Variants in NRXN3 observed in about 807,000 individuals in gnomAD.
NRXN3 encodes the protein neurexin 3.
A neutral mutation model predicts 137.6 loss-of-function variants in NRXN3; 32 were observed. The ratio of observed to expected loss-of-function variants is 0.23; its 90% CI spans 0.18 to 0.31. The LOEUF (loss-of-function observed/expected upper bound fraction) is 0.31, where lower values mean the gene tolerates loss of function less well. Among genes scored for constraint, NRXN3 ranks in the 10% least tolerant of loss-of-function variants. The pLI is 1.00. For synonymous variants in NRXN3, 798 were observed against 784.5 expected, an observed-to-expected ratio of 1.02 and a Z score of -0.29; for missense variants, 1,574 against 2,062.5, an observed-to-expected ratio of 0.76 and a Z score of 4.59.
At chr14:78,659,386 T>A (rs2097815193) in intron 6 of NRXN3, among the ~76,000 whole-genome samples, 1 of 152,140 alleles carries the variant, frequency 6.6e-6, no homozygotes, top group Non-Finnish European at 1.5e-5. Flanking sequence ...AAAAAAAAGA[T>A]GGCCATTTTT....
chr14:78,206,951 C>T (rs1212011948), intron 1 of NRXN3, among the ~76,000 whole-genome samples: 3 of 152,006 alleles, frequency 2.0e-5, no homozygotes, highest in African/African-American at 7.2e-5. Context: ...GCAACTTCTG[C>T]CTCCCGGGTT....
At chr14:78,678,034 A>G (rs2098027900) in intron 6 of NRXN3, among the ~76,000 whole-genome samples, 1 of 152,212 alleles carries the variant, frequency 6.6e-6, no homozygotes, top group African/African-American at 2.4e-5. Flanking sequence ...TGTATGCACC[A>G]GGAAATGAAA....
chr14:78,176,413 A>G (rs1355206797), intron 1 of NRXN3, among the ~76,000 whole-genome samples: 1 of 139,836 alleles, frequency 7.2e-6, no homozygotes, highest in East Asian at 2.1e-4. Context: ...TCGGTATCTC[A>G]TTTAATTCTC....
rs111297664 is a variant in NRXN3, at chr14:79,155,189, A to ATATAAAGC, written c.3262+167052_3262+167059dup. On this transcript the variant is annotated intron_variant, in intron 15 of 20. Coordinates refer to ENST00000335750, the MANE Select transcript of NRXN3 (RefSeq NM_001330195.2). The stretch of plus-strand genomic sequence containing the variant: ...ATCCTCCTGAAGCTGGAGAAGAGAA[A>ATATAAAGC]TATAAAGCTATGTGTTTCAGAATGA... Among the ~76,000 whole-genome samples, 258 of 152,094 alleles carry ATATAAAGC rather than the reference A, an allele frequency of 1.7e-3. 1 individual carries two copies. The highest frequency in any genetic ancestry group is 5.6e-3 in the African/African-American group (233 of 41,534).
intron 4 of NRXN3, among the ~76,000 whole-genome samples, chr14:78,566,573 G>T (rs2096838207): frequency 6.6e-6 from 1 of 152,162 alleles, no homozygotes; most frequent in African/African-American, 2.4e-5. Context: ...GGGGAGCCCT[G>T]GCCACAGAGC....
intron 4 of NRXN3, among the ~76,000 whole-genome samples, chr14:78,391,275 G>A (rs1311745709): frequency 1.3e-5 from 2 of 152,136 alleles, no homozygotes; most frequent in East Asian, 3.8e-4. Context: ...TTTGATGGGA[G>A]GAGTAGGAGG....
chr14:79,675,271 G>C (rs1377224127), intron 17 of NRXN3, among the ~76,000 whole-genome samples: 1 of 151,834 alleles, frequency 6.6e-6, no homozygotes, highest in Non-Finnish European at 1.5e-5. Flanking sequence ...AATATATTTA[G>C]ATATTAACTT....
At chr14:79,231,037 C>T (rs2153276115) in intron 15 of NRXN3, among the ~76,000 whole-genome samples, 1 of 152,242 alleles carries the variant, frequency 6.6e-6, no homozygotes, top group Admixed American at 6.5e-5. Flanking sequence ...TATCTTATAA[C>T]TCTTGGTTAA....
At position 79,752,080 on chromosome 14, in the gene NRXN3, G is replaced by T. The variant is rs145611107; in HGVS notation, c.4015-53032G>T. On this transcript the variant is annotated intron_variant, in intron 19 of 20. Transcript: ENST00000335750. ...CAGCTTTGGTATCAGGATGATGCTG[G>T]CCTCATAAAACGAGTTAGGGAGGAT... Among the ~76,000 whole-genome samples the T allele has an allele frequency of 5.4e-3, 819 of 152,248 alleles. 7 individuals carry two copies. The highest frequency in any genetic ancestry group is 0.019 in the African/African-American group (784 of 41,552).
intron 19 of NRXN3, among the ~76,000 whole-genome samples, chr14:79,711,979 C>T (rs531762767): frequency 1.2e-4 from 19 of 152,294 alleles, no homozygotes; most frequent in African/African-American, 4.6e-4. Flanking sequence ...TCACCTCCCC[C>T]TTCTGCCCAG....
At chr14:78,375,147 CT>C (rs1255815039) in intron 4 of NRXN3, among the ~76,000 whole-genome samples, 2 of 152,174 alleles carry the variant, frequency 1.3e-5, no homozygotes, top group East Asian at 3.8e-4. Flanking sequence ...CCTAAATTCC[CT>C]GCAATTAAGC....
rs138247846 is a variant in NRXN3, at chr14:79,819,508, G to T, written c.4093+14318G>T. The stretch of plus-strand genomic sequence containing the variant: ...TTTTTTTTTTTTTTTTTTTTGAGAC[G>T]GAGTCTTTTTCTGTCACCCAAGCTG... On this transcript the variant is annotated intron_variant, in intron 20 of 20. Coordinates refer to ENST00000335750, the MANE Select transcript of NRXN3 (RefSeq NM_001330195.2). 0.016 allele frequency among the ~76,000 whole-genome samples: 222 copies of T among 14,112 alleles called. 6 individuals carry two copies. In the East Asian group the frequency reaches 0.35, roughly 22 times the overall value. The allele number at this position is 14,112 out of a possible 152,430, so 9.3% of individuals were successfully genotyped here. A position where few individuals can be genotyped will look rare whatever the true frequency, so the allele number is the denominator to read the frequency against.
chr14:78,404,299 C>T, intron 4 of NRXN3, among the ~76,000 whole-genome samples: 1 of 151,470 alleles, frequency 6.6e-6, no homozygotes, highest in East Asian at 1.9e-4. Context: ...AGTCAATAAG[C>T]AGCCAGACAG....
chr14:79,022,640 T>A (rs761331159), intron 15 of NRXN3, among the ~76,000 whole-genome samples: 2 of 152,112 alleles, frequency 1.3e-5, no homozygotes, highest in Non-Finnish European at 2.9e-5. Context: ...TTTGCCACAC[T>A]CCCCTGCTGC....
Position 79,862,182 on chromosome 14 carries a change from A to G in NRXN3, c.*218A>G. Reference sequence around the variant, plus strand: ...TCAGCCACGGCTGCGGCAAGGTCCCAGCGGTCGCTGGGAGACAGAAGGTTT... The same window carrying G: ...TCAGCCACGGCTGCGGCAAGGTCCCGGCGGTCGCTGGGAGACAGAAGGTTT... On this transcript the variant is annotated 3_prime_UTR_variant, in exon 21 of 21. Transcript: ENST00000335750. 5.7e-6 allele frequency: 3 copies of G among 526,162 alleles called. No homozygotes were observed. Among genetic ancestry groups the G allele is most frequent in the Admixed American group, 3.4e-5 (1 of 29,594 alleles). The allele number at this position is 526,162 out of a possible 1,614,324, so 32.6% of individuals were successfully genotyped here. A position where few individuals can be genotyped will look rare whatever the true frequency, so the allele number is the denominator to read the frequency against.
intron 15 of NRXN3, among the ~76,000 whole-genome samples, chr14:79,253,379 G>A (rs1349315364): frequency 6.6e-6 from 1 of 152,110 alleles, no homozygotes; most frequent in Non-Finnish European, 1.5e-5. Flanking sequence ...AATGACATAC[G>A]TGGCCTCCAG....
chr14:79,819,194 C>T (rs1170201203), intron 20 of NRXN3, among the ~76,000 whole-genome samples: 1 of 152,174 alleles, frequency 6.6e-6, no homozygotes, highest in Non-Finnish European at 1.5e-5. Context: ...CCTGCCCTAT[C>T]TCCTCAATCA....
At chr14:79,134,074 T>C (rs1025909304) in intron 15 of NRXN3, among the ~76,000 whole-genome samples, 3 of 152,222 alleles carry the variant, frequency 2.0e-5, no homozygotes, top group Non-Finnish European at 2.9e-5. Flanking sequence ...TTCAAATTTA[T>C]GACATTTTCC....
intron 4 of NRXN3, among the ~76,000 whole-genome samples, chr14:78,352,109 G>GATGT (rs2083608507): frequency 7.1e-6 from 1 of 140,370 alleles, no homozygotes; most frequent in Non-Finnish European, 1.6e-5. Flanking sequence ...AAAAAAAAAA[G>GATGT]ATAGCAGGCA....
Sources: gnomAD v4.1 joint callset for allele counts (sites outside exome capture counted in the v4.1 genomes callset) on GRCh38, gnomAD v4.1.1 for gene constraint, MANE v1.5 for transcripts, NCBI Gene and HGNC (gene_info 2026-07-23, HGNC 2026-07-21) for gene names.